Variants in KIAA0319 observed in about 807,000 individuals in gnomAD.
KIAA0319 encodes the protein KIAA0319.
KIAA0319 carries 83 observed loss-of-function variants against 108.4 expected under a neutral mutation model. The observed-to-expected ratio is 0.77, with a 90% CI of 0.64 to 0.92. The LOEUF (loss-of-function observed/expected upper bound fraction) is 0.92. Ranked by LOEUF, KIAA0319 falls within the 40% of genes least tolerant of loss-of-function variation. KIAA0319 has a pLI of 0.00. For synonymous variants in KIAA0319, 484 were observed against 510.4 expected (o/e 0.95, Z 0.70); for missense variants, 1,195 against 1,322.4 (o/e 0.90, Z 1.49).
chr6:24,617,270 G>A (rs1022639910), intron 1 of KIAA0319, among the ~76,000 whole-genome samples: 5 of 151,910 alleles, frequency 3.3e-5, no homozygotes, highest in African/African-American at 1.2e-4. Flanking sequence ...AAGTGATCTA[G>A]TAGCAGAGCA....
chr6:24,608,929 T>TCAA (rs1418831458), intron 1 of KIAA0319, among the ~76,000 whole-genome samples: 10 of 2,564 alleles, frequency 3.9e-3, no homozygotes, highest in East Asian at 0.031. Flanking sequence ...AGACTCCGTC[T>TCAA]CAAAAAAAAA....
At chr6:24,556,040 C>A (rs1402051527) in intron 18 of KIAA0319, among the ~76,000 whole-genome samples, 1 of 152,208 alleles carries the variant, frequency 6.6e-6, no homozygotes, top group Non-Finnish European at 1.5e-5. Context: ...AGGGTCTTAA[C>A]TTACTACCAA....
At chr6:24,609,273 C>CAAAAAAAAAAAAAAAAAAAAAAAA (rs886616830) in intron 1 of KIAA0319, among the ~76,000 whole-genome samples, 1 of 74,838 alleles carries the variant, frequency 1.3e-5, no homozygotes. Context: ...GTCTCAAAAA[C>CAAAAAAAAAAAAAAAAAAAAAAAA]AAAAAAAAAA....
intron 4 of KIAA0319, among the ~76,000 whole-genome samples, chr6:24,586,205 G>C (rs1464878839): frequency 6.6e-6 from 1 of 152,206 alleles, no homozygotes; most frequent in African/African-American, 2.4e-5. Flanking sequence ...TTTCTAAATT[G>C]ATTGAGACCT....
chr6:24,639,779 C>T (rs975849957), intron 1 of KIAA0319, among the ~76,000 whole-genome samples: 1 of 146,302 alleles, frequency 6.8e-6, no homozygotes, highest in East Asian at 2.1e-4. Flanking sequence ...ACCTGGGAGG[C>T]GGAGTTGCAG....
chr6:24,559,263 G>T, intron 16 of KIAA0319, 108 bp from the exon 17 acceptor site: 1 of 1,250,150 alleles, frequency 8.0e-7, no homozygotes, highest in Non-Finnish European at 1.1e-6. Context: ...GACGGCTACA[G>T]CTCTGTGGCT....
In KIAA0319 at chr6:24,601,089, T is replaced by A. The variant is rs1276841777; in HGVS notation, c.15A>T (p.Thr5=). ...GCAGCAGCAATGAAGAGAGCACACCTGTGGGGGGCGCCATTGTGCACCACA... is the reference window on the plus strand; with the variant it reads ...GCAGCAGCAATGAAGAGAGCACACCAGTGGGGGGCGCCATTGTGCACCACA... MAPP[T]GVLSSLLLLV... The change falls in exon 2 of 21, where the codon ACA becomes ACT. Residue 5 remains threonine, a synonymous_variant. Coordinates refer to ENST00000378214, the MANE Select transcript of KIAA0319 (RefSeq NM_014809.4). The A allele has an allele frequency of 6.2e-7, 1 of 1,614,104 alleles. No homozygotes were observed. Among genetic ancestry groups the A allele is most frequent in the East Asian group, 2.2e-5 (1 of 44,868 alleles).
At chr6:24,579,466 T>C (rs1766101583) in intron 8 of KIAA0319, among the ~76,000 whole-genome samples, 1 of 142,042 alleles carries the variant, frequency 7.0e-6, no homozygotes, top group Admixed American at 7.2e-5. Context: ...ATATATCTCA[T>C]ATATATATCT....
intron 17 of KIAA0319, 33 bp from the exon 18 acceptor site, chr6:24,556,762 T>A (rs769749773): frequency 6.3e-7 from 1 of 1,590,758 alleles, no homozygotes; most frequent in South Asian, 1.1e-5. Context: ...GAGGGCAGCA[T>A]GCAGAAAAGG....
At chr6:24,602,020 C>CA (rs1770696334) in intron 1 of KIAA0319, among the ~76,000 whole-genome samples, 1 of 142,294 alleles carries the variant, frequency 7.0e-6, no homozygotes, top group Admixed American at 7.1e-5. Flanking sequence ...TACTGTATTT[C>CA]TTTTTTTTTT....
At chr6:24,606,230 C>T (rs1771387447) in intron 1 of KIAA0319, among the ~76,000 whole-genome samples, 1 of 152,206 alleles carries the variant, frequency 6.6e-6, no homozygotes, top group South Asian at 2.1e-4. Flanking sequence ...AGTTACTGCG[C>T]CTGGCCGGAA....
Position 24,580,969 on chromosome 6 carries a change from T to G in KIAA0319, c.1236A>C (p.Glu412Asp). ...TGACAAATCCTTCTCCAAAGGCGTT[T>G]TCACTAGAAACAGTGACTTTGAAGA... is the stretch of plus-strand genomic sequence containing the variant. ...LYVFKVTVSS[E>D]NAFGEGFVNV... Residue 412 changes from glutamate to aspartate, a missense_variant, in exon 7 of 21, where the codon GAA (glutamate) becomes GAC (aspartate). Glu to Asp is a conservative substitution (Grantham distance 45). Coordinates refer to ENST00000378214, the MANE Select transcript of KIAA0319 (RefSeq NM_014809.4). 6.2e-7 allele frequency: 1 copy of G among 1,613,374 alleles called. No individual in the cohort carries two copies.
chr6:24,640,481 T>C (rs1199528253), intron 1 of KIAA0319, among the ~76,000 whole-genome samples: 1 of 152,066 alleles, frequency 6.6e-6, no homozygotes, highest in East Asian at 1.9e-4. Flanking sequence ...TAGGTGTGGG[T>C]TATGATGAGA....
Position 24,596,520 on chromosome 6 carries a change from A to C in KIAA0319, c.154T>G (p.Phe52Val). Residue 52 changes from phenylalanine (F) to valine (V), a missense_variant, in exon 3 of 21, where the codon TTC (phenylalanine) becomes GTC (valine). Coordinates refer to ENST00000378214, the MANE Select transcript of KIAA0319 (RefSeq NM_014809.4). ...TTRIMRVSHT[F>V]PVVDCTAACC... ...GCGGCCGTGCAGTCTACGACAGGGA[A>C]GGTGTGAGACACCCGCATGATTCTG... is the stretch of plus-strand genomic sequence containing the variant. 1 of 1,614,122 alleles carries C rather than the reference A, an allele frequency of 6.2e-7. No individual in the cohort carries two copies. The highest frequency in any genetic ancestry group is 8.5e-7 in the Non-Finnish European group (1 of 1,180,018).
In KIAA0319 at chr6:24,568,794, C is replaced by A; in HGVS notation, c.2127G>T (p.Val709=). The A allele has an allele frequency of 6.2e-7, 1 of 1,614,054 alleles. No homozygotes were observed. The highest frequency in any genetic ancestry group is 1.3e-5 in the African/African-American group (1 of 75,040). The change falls in exon 13 of 21, where the codon GTG becomes GTT. Residue 709 remains valine (V), a synonymous_variant. Transcript: ENST00000378214. ...QGLSSTSTLT[V]AVKKENNSPP... is the part of the protein sequence containing the mutation. ...AGACCCACTCACCCTTCTTCACAGC[C>A]ACAGTGAGGGTGGACGTGCTGCTCA... is the stretch of plus-strand genomic sequence containing the variant.
intron 5 of KIAA0319, among the ~76,000 whole-genome samples, chr6:24,582,763 T>C (rs1766807840): frequency 2.6e-5 from 4 of 152,094 alleles, no homozygotes; most frequent in Admixed American, 2.0e-4. Flanking sequence ...GTATAATACA[T>C]TGTGCTTTTC....
intron 3 of KIAA0319, among the ~76,000 whole-genome samples, chr6:24,592,328 C>T (rs985089655): frequency 1.3e-5 from 2 of 152,172 alleles, no homozygotes; most frequent in Non-Finnish European, 2.9e-5. Context: ...TTACCAAATA[C>T]AATTGAACTA....
intron 1 of KIAA0319, among the ~76,000 whole-genome samples, chr6:24,622,550 T>C (rs1705220258): frequency 6.6e-6 from 1 of 152,138 alleles, no homozygotes; most frequent in African/African-American, 2.4e-5. Context: ...CAAAATAGGA[T>C]TGTTAAAATT....
rs567492538 is a variant in KIAA0319 at position 24,644,784 on chromosome 6, C to T, written c.-106+952G>A. Among the ~76,000 whole-genome samples the T allele has an allele frequency of 4.7e-4, 72 of 152,250 alleles. 1 individual carries two copies. The highest frequency in any genetic ancestry group is 8.5e-4 in the Admixed American group (13 of 15,282). On this transcript the variant is annotated intron_variant, in intron 1 of 20. Transcript: ENST00000378214. ...GCATTTTGCATTACAAATGCAAATG[C>T]ATTACAAATGGTTAATACAAATAAA...
Sources: gnomAD v4.1 joint callset for allele counts (sites outside exome capture counted in the v4.1 genomes callset) on GRCh38, gnomAD v4.1.1 for gene constraint, MANE v1.5 for transcripts, NCBI Gene and HGNC (gene_info 2026-07-23, HGNC 2026-07-21) for gene names.